DISP1: variants seen among roughly 807,000 people sequenced by gnomAD.
DISP1 encodes dispatched RND transporter family member 1, also known as protein dispatched homolog 1.
DISP1 carries 30 observed loss-of-function variants against 37.3 expected under a neutral mutation model. The ratio of observed to expected loss-of-function variants is 0.80; its 90% CI spans 0.60 to 1.09. The LOEUF (loss-of-function observed/expected upper bound fraction) is 1.09, where lower values mean the gene tolerates loss of function less well. Among genes scored for constraint, DISP1 ranks in the 50% least tolerant of loss-of-function variants. The probability of loss-of-function intolerance (pLI) is 0.00; values close to 1 mark genes in which losing one functional copy is unlikely to be tolerated. For missense variants in DISP1, 1,598 were observed against 1,879.5 expected (o/e 0.85, Z 2.77); for synonymous variants, 634 against 690.2 (o/e 0.92, Z 1.28).
chr1:222,829,969 T>C (rs537926391), intron 1 of DISP1, among the ~76,000 whole-genome samples: 21 of 152,276 alleles, frequency 1.4e-4, no homozygotes, highest in Non-Finnish European at 2.6e-4. Context: ...TGATTTAGTG[T>C]TTTTGGCAAT....
chr1:222,913,939 TAA>T (rs34772615), intron 1 of DISP1, among the ~76,000 whole-genome samples: 8 of 143,076 alleles, frequency 5.6e-5, no homozygotes, highest in South Asian at 2.2e-4. Context: ...ACATTCTAAA[TAA>T]AAAAAAAAAT....
intron 1 of DISP1, among the ~76,000 whole-genome samples, chr1:222,846,394 G>A (rs1039217493): frequency 6.6e-6 from 1 of 152,250 alleles, no homozygotes; most frequent in South Asian, 2.1e-4. Context: ...GGGAGGCTGA[G>A]GCAGGAGAAT....
chr1:222,867,166 CTT>C (rs767393711), intron 1 of DISP1, among the ~76,000 whole-genome samples: 34 of 152,322 alleles, frequency 2.2e-4, no homozygotes, highest in Non-Finnish European at 4.6e-4. Flanking sequence ...GATGAAGAAA[CTT>C]AATCTAGAGA....
chr1:222,856,905 T>C (rs1668584326), intron 1 of DISP1, among the ~76,000 whole-genome samples: 1 of 152,076 alleles, frequency 6.6e-6, no homozygotes. Context: ...GGTTTCACCA[T>C]GTTGGCCAGG....
chr1:222,863,508 G>A (rs1668999135), intron 1 of DISP1, among the ~76,000 whole-genome samples: 1 of 150,624 alleles, frequency 6.6e-6, no homozygotes, highest in African/African-American at 2.5e-5. Context: ...TTGTACTCCA[G>A]CATGGGTGAC....
intron 2 of DISP1, among the ~76,000 whole-genome samples, chr1:222,935,163 T>A (rs745972560): frequency 6.6e-6 from 1 of 152,142 alleles, no homozygotes; most frequent in African/African-American, 2.4e-5. Flanking sequence ...ATCAAATCTT[T>A]ATTCTAACTG....
intron 6 of DISP1, 46 bp from the exon 7 acceptor site, chr1:222,991,967 A>G (rs912901799): frequency 1.4e-6 from 2 of 1,468,114 alleles, no homozygotes; most frequent in Non-Finnish European, 9.5e-7. Context: ...ATCAGCTTTG[A>G]AATAACGAGA....
intron 3 of DISP1, among the ~76,000 whole-genome samples, chr1:222,945,277 C>A (rs1674690864): frequency 6.6e-6 from 1 of 151,730 alleles, no homozygotes; most frequent in African/African-American, 2.4e-5. Flanking sequence ...AAGAAGTTCA[C>A]CACATTTACC....
Position 223,004,038 on chromosome 1 carries a change from T to C in DISP1, c.2641T>C (p.Tyr881His). The change falls in exon 9 of 9, where the codon TAC becomes CAC. Residue 881 changes from tyrosine to histidine, a missense_variant. Coordinates refer to ENST00000675850, the MANE Select transcript of DISP1 (RefSeq NM_001377229.1). The surrounding 1 kb of genome is among the most constrained non-coding windows in gnomAD (Gnocchi z 4.9). ...YPCCSHWSFPYKQEIFELCIK... is the reference protein window; with the variant it reads ...YPCCSHWSFPHKQEIFELCIK... ...ATGCTGCAGCCACTGGAGCTTCCCC[T>C]ACAAGCAAGAGATTTTTGAACTGTG... 6.2e-7 allele frequency: 1 copy of C among 1,614,148 alleles called. No homozygotes were observed. The highest frequency in any genetic ancestry group is 8.5e-7 in the Non-Finnish European group (1 of 1,180,028).
chr1:222,892,853 G>C (rs757868935), intron 1 of DISP1, among the ~76,000 whole-genome samples: 5 of 152,152 alleles, frequency 3.3e-5, no homozygotes, highest in Non-Finnish European at 7.4e-5. Flanking sequence ...TGTCCAGCTT[G>C]GTGATCACAC....
At chr1:222,923,216 A>G (rs188002391) in intron 1 of DISP1, among the ~76,000 whole-genome samples, 37 of 152,258 alleles carry the variant, frequency 2.4e-4, no homozygotes, top group Admixed American at 5.2e-4. Flanking sequence ...AGTGAGACAG[A>G]GTAAAGAGAC....
chr1:222,933,040 T>C (rs887209950), intron 2 of DISP1, among the ~76,000 whole-genome samples: 29 of 152,088 alleles, frequency 1.9e-4, no homozygotes, highest in African/African-American at 7.0e-4. Context: ...CCCTGAAATT[T>C]CTATCACTCA....
In DISP1 at chr1:222,840,505, G is replaced by A. The variant is rs896639212; in HGVS notation, c.-159+25427G>A. 6.7e-5 allele frequency among the ~76,000 whole-genome samples: 10 copies of A among 148,650 alleles called. 1 individual carries two copies. The highest frequency in any genetic ancestry group is 1.0e-4 in the Non-Finnish European group (7 of 67,368). ...TGATCCACCCACTGAGCCTCCCAAA[G>A]TACTAGGATTACAGGCGTGAGCCAC... On this transcript the variant is annotated intron_variant, in intron 1 of 8. Transcript: ENST00000675850.
chr1:222,827,199 GATTAT>G (rs1664662855), intron 1 of DISP1: 1 of 152,060 alleles, frequency 6.6e-6, no homozygotes, highest in African/African-American at 2.4e-5. Flanking sequence ...ACTTCTTTTG[GATTAT>G]ATTATAATTT....
chr1:222,894,773 C>T (rs1456438926), intron 1 of DISP1, among the ~76,000 whole-genome samples: 6 of 152,236 alleles, frequency 3.9e-5, no homozygotes, highest in African/African-American at 1.2e-4. Flanking sequence ...ACCACGAACC[C>T]GGCTGTGCCT....
intron 3 of DISP1, among the ~76,000 whole-genome samples, chr1:222,970,446 T>TG (rs1170013680): frequency 6.6e-6 from 1 of 152,176 alleles, no homozygotes; most frequent in African/African-American, 2.4e-5. Flanking sequence ...GCCTACCTTA[T>TG]GGGGGGATCA....
intron 3 of DISP1, among the ~76,000 whole-genome samples, chr1:222,962,012 GAAA>G (rs147361599): frequency 1.3e-5 from 2 of 149,154 alleles, no homozygotes; most frequent in Non-Finnish European, 3.0e-5. Flanking sequence ...CTCAAAAAAA[GAAA>G]AAAAAAGAAG....
intron 1 of DISP1, among the ~76,000 whole-genome samples, chr1:222,841,447 A>G (rs1667607555): frequency 6.6e-6 from 1 of 152,204 alleles, no homozygotes; most frequent in Non-Finnish European, 1.5e-5. Flanking sequence ...TACTCACTCA[A>G]GGTTATCCTG....
intron 5 of DISP1, 114 bp from the exon 6 acceptor site, chr1:222,991,406 A>G (rs770335980): frequency 4.5e-5 from 59 of 1,309,372 alleles, no homozygotes; most frequent in South Asian, 2.5e-4. Flanking sequence ...AGGAACAGCT[A>G]TATTTTCTGT....
Sources: gnomAD v4.1 joint callset for allele counts (sites outside exome capture counted in the v4.1 genomes callset) on GRCh38, gnomAD v4.1.1 for gene constraint, Gnocchi (gnomAD v3.1) non-coding constraint, MANE v1.5 for transcripts, NCBI Gene and HGNC (gene_info 2026-07-23, HGNC 2026-07-21) for gene names.